Variants in ASCC3 observed in about 807,000 individuals in gnomAD.
The protein encoded by ASCC3 is activating signal cointegrator 1 complex subunit 3.
In ASCC3, 158 loss-of-function variants were observed where a neutral mutation model predicts 256.3. That is an observed-to-expected ratio of 0.62 (90% confidence interval 0.54 to 0.70). The LOEUF (loss-of-function observed/expected upper bound fraction) is 0.70, where lower values mean the gene tolerates loss of function less well. Among genes scored for constraint, ASCC3 ranks in the 30% least tolerant of loss-of-function variants. The probability of loss-of-function intolerance (pLI) is 0.00; values close to 1 mark genes in which losing one functional copy is unlikely to be tolerated. For synonymous variants in ASCC3, 948 were observed against 883.4 expected, an observed-to-expected ratio of 1.07 and a Z score of -1.30; for missense variants, 2,259 against 2,626.0, an observed-to-expected ratio of 0.86 and a Z score of 3.05.
intron 11 of ASCC3, among the ~76,000 whole-genome samples, chr6:100,718,647 C>T (rs766342882): frequency 2.0e-5 from 3 of 151,952 alleles, no homozygotes; most frequent in Non-Finnish European, 2.9e-5. Context: ...GTAGTCCCAA[C>T]GACTCAGGAG....
At chr6:100,741,224 C>T (rs1000197429) in intron 10 of ASCC3, among the ~76,000 whole-genome samples, 1 of 152,188 alleles carries the variant, frequency 6.6e-6, no homozygotes, top group Admixed American at 6.5e-5. Flanking sequence ...TCTCTTCTAG[C>T]TTGTAGGTTT....
rs746287080 is a variant in ASCC3 at position 100,848,404 on chromosome 6, A to C, written c.545T>G (p.Leu182Arg). 1 of 1,613,220 alleles carries C rather than the reference A, an allele frequency of 6.2e-7. No homozygotes were observed. Among genetic ancestry groups the C allele is most frequent in the Non-Finnish European group, 8.5e-7 (1 of 1,179,848 alleles). The change falls in exon 4 of 42, where the codon CTG (leucine) becomes CGG (arginine). Residue 182 changes from leucine (L) to arginine (R), a missense_variant. This residue lies in a region of ASCC3 where 420 missense variants were observed against 419.3 expected (regional missense o/e 1.00). Transcript: ENST00000369162. ...TTTCTGAGTTTCACCATTTATTGGC[A>C]GTTCGTCAAAGTGGTCCAAATCATG... ...DMHDLDHFDELPINGETQKTI... is the reference protein window; with the variant it reads ...DMHDLDHFDERPINGETQKTI...
intron 16 of ASCC3, among the ~76,000 whole-genome samples, chr6:100,661,158 A>G (rs1040727770): frequency 6.6e-6 from 1 of 151,774 alleles, no homozygotes; most frequent in East Asian, 1.9e-4. Flanking sequence ...CTGAACTAGC[A>G]AAGTGTTGAA....
chr6:100,646,542 AG>A (rs1775387428), intron 22 of ASCC3, 72 bp downstream of exon 22: 11 of 1,464,014 alleles, frequency 7.5e-6, no homozygotes, highest in Non-Finnish European at 3.8e-6. Context: ...TATATGCCTT[AG>A]GAACAGATGT....
chr6:100,605,677 C>T lies in ASCC3; in HGVS notation c.5068G>A (p.Ala1690Thr). 1 of 1,613,460 alleles carries T rather than the reference C, an allele frequency of 6.2e-7. No homozygotes were observed. Among genetic ancestry groups the T allele is most frequent in the Non-Finnish European group, 8.5e-7 (1 of 1,179,590 alleles). ...ITDVLQMMGR[A>T]GRPQFDDQGK... ...TGGTCATCGAACTGCGGCCTCCCAG[C>T]ACGCCCCATCATCTGGAGGACATCT... Residue 1690 changes from alanine to threonine, a missense_variant, in exon 33 of 42, where the codon GCT becomes ACT. By Grantham distance (58) the Ala-to-Thr change is moderately conservative. Around this residue, in one of 2 missense-constraint regions of ASCC3, gnomAD observed 1,839 missense variants for 2,206.7 expected, o/e 0.83. Coordinates refer to ENST00000369162, the MANE Select transcript of ASCC3 (RefSeq NM_006828.4).
chr6:100,595,062 G>A (rs190570752), intron 34 of ASCC3, among the ~76,000 whole-genome samples: 1 of 152,184 alleles, frequency 6.6e-6, no homozygotes, highest in Admixed American at 6.5e-5. Context: ...GGAAAGCCAT[G>A]CAAGCAAAGG....
chr6:100,848,173 T>G lies in ASCC3; in HGVS notation c.776A>C (p.Lys259Thr). The G allele has an allele frequency of 6.3e-7, 1 of 1,598,654 alleles. No homozygotes were observed. The highest frequency in any genetic ancestry group is 2.2e-5 in the East Asian group (1 of 44,708). The change falls in exon 4 of 42, where the codon AAA (lysine) becomes ACA (threonine). Residue 259 changes from lysine to threonine, a missense_variant. Coordinates refer to ENST00000369162, the MANE Select transcript of ASCC3 (RefSeq NM_006828.4). ...CTLYDMLASIKSGDELQDELF... is the reference protein window; with the variant it reads ...CTLYDMLASITSGDELQDELF... ...CTCATCCTGAAGTTCATCACCACTT[T>G]TAATAGAAGCAAGCATATCATATAA...
chr6:100,637,715 G>A (rs150918853), intron 25 of ASCC3, among the ~76,000 whole-genome samples: 4 of 152,070 alleles, frequency 2.6e-5, no homozygotes, highest in East Asian at 3.9e-4. Flanking sequence ...CACCCTTCAC[G>A]GACGACTGAG....
At chr6:100,600,634 T>C (rs1772558604) in intron 34 of ASCC3, among the ~76,000 whole-genome samples, 1 of 152,088 alleles carries the variant, frequency 6.6e-6, no homozygotes, top group Non-Finnish European at 1.5e-5. Context: ...GTAAGAACAT[T>C]TTCATCATGA....
intron 4 of ASCC3, among the ~76,000 whole-genome samples, chr6:100,813,334 T>G (rs1770575637): frequency 6.6e-6 from 1 of 151,970 alleles, no homozygotes. Context: ...GGCGCATGCT[T>G]ATAATCCACC....
Position 100,605,680 on chromosome 6 carries a change from G to T in ASCC3, c.5065C>A (p.Arg1689Ser). The T allele has an allele frequency of 6.2e-7, 1 of 1,613,258 alleles. No homozygotes were observed. Among genetic ancestry groups the T allele is most frequent in the Non-Finnish European group, 8.5e-7 (1 of 1,179,506 alleles). Reference protein sequence around the residue: ...PITDVLQMMGRAGRPQFDDQG... With the variant: ...PITDVLQMMGSAGRPQFDDQG... ...TCATCGAACTGCGGCCTCCCAGCAC[G>T]CCCCATCATCTGGAGGACATCTTTA... Residue 1689 changes from arginine (R) to serine (S), a missense_variant, in exon 33 of 42, where the codon CGT (arginine) becomes AGT (serine). Arg to Ser is a moderately radical substitution (Grantham distance 110). Around this residue, in one of 2 missense-constraint regions of ASCC3, gnomAD observed 1,839 missense variants for 2,206.7 expected, o/e 0.83. Coordinates refer to ENST00000369162, the MANE Select transcript of ASCC3 (RefSeq NM_006828.4).
At chr6:100,823,069 G>A (rs2114429431) in intron 4 of ASCC3, among the ~76,000 whole-genome samples, 1 of 152,234 alleles carries the variant, frequency 6.6e-6, no homozygotes. Context: ...GATAAAAAGA[G>A]TGCTTTGCTC....
chr6:100,781,120 G>T (rs1450650091), intron 8 of ASCC3, among the ~76,000 whole-genome samples: 2 of 152,084 alleles, frequency 1.3e-5, no homozygotes, highest in African/African-American at 4.8e-5. Flanking sequence ...TGCTTCAGCT[G>T]AGTCATTTTG....
chr6:100,858,664 G>A, intron 3 of ASCC3: 1 of 1,007,750 alleles, frequency 9.9e-7, no homozygotes, highest in Non-Finnish European at 1.2e-6. Context: ...CACACATCAT[G>A]TGTATTTCTT....
chr6:100,771,866 GTTTTTTTTTTTTTTT>G (rs57465763), intron 8 of ASCC3, among the ~76,000 whole-genome samples: 4 of 91,820 alleles, frequency 4.4e-5, no homozygotes, highest in African/African-American at 1.9e-4. Flanking sequence ...CAATCTGCAA[GTTTTTTTTTTTTTTT>G]TTTTTTTTTT....
At chr6:100,807,798 G>C (rs1179052945) in intron 4 of ASCC3, among the ~76,000 whole-genome samples, 1 of 151,294 alleles carries the variant, frequency 6.6e-6, no homozygotes, top group Non-Finnish European at 1.5e-5. Flanking sequence ...GTGACAAAAG[G>C]GGAAGTATGT....
At chr6:100,601,580 C>G (rs961912621) in intron 34 of ASCC3, among the ~76,000 whole-genome samples, 2 of 151,980 alleles carry the variant, frequency 1.3e-5, no homozygotes, top group Admixed American at 1.3e-4. Context: ...GCAAACTCCT[C>G]AGGATGGCTT....
chr6:100,671,900 C>G (rs879497245), intron 14 of ASCC3, among the ~76,000 whole-genome samples: 6 of 152,042 alleles, frequency 3.9e-5, no homozygotes, highest in Non-Finnish European at 7.4e-5. Context: ...TACATCTGGT[C>G]CTTGCCTAGA....
intron 34 of ASCC3, among the ~76,000 whole-genome samples, chr6:100,597,559 T>C (rs918409917): frequency 2.8e-4 from 42 of 152,110 alleles, no homozygotes; most frequent in African/African-American, 1.0e-3. Context: ...TGAACTTACA[T>C]GGCAACAGCT....
Sources: gnomAD v4.1 joint callset for allele counts (sites outside exome capture counted in the v4.1 genomes callset) on GRCh38, gnomAD v4.1.1 for gene constraint, gnomAD v4.1.1 regional missense constraint, MANE v1.5 for transcripts, NCBI Gene and HGNC (gene_info 2026-07-23, HGNC 2026-07-21) for gene names.